The following COL28A1 variants were observed in gnomAD, a reference collection of about 807,000 sequenced individuals.
COL28A1 encodes collagen alpha-1(XXVIII) chain.
COL28A1 carries 161 observed loss-of-function variants against 150.2 expected under a neutral mutation model. The observed-to-expected ratio is 1.07, with a 90% CI of 0.94 to 1.22. The LOEUF is 1.22. Among genes scored for constraint, COL28A1 ranks in the 50% most tolerant of loss-of-function variants. COL28A1 has a pLI of 0.00. For synonymous variants in COL28A1, 552 were observed against 469.7 expected, an observed-to-expected ratio of 1.18 and a Z score of -2.26; for missense variants, 1,617 against 1,388.3, an observed-to-expected ratio of 1.16 and a Z score of -2.62.
intron 27 of COL28A1, among the ~76,000 whole-genome samples, chr7:7,387,528 G>C (rs1200008755): frequency 6.6e-6 from 1 of 151,972 alleles, no homozygotes; most frequent in Non-Finnish European, 1.5e-5. Context: ...TGATGTATTA[G>C]GAGTAAATGG....
At chr7:7,484,104 C>T (rs185313816) in intron 13 of COL28A1, among the ~76,000 whole-genome samples, 140 of 151,614 alleles carry the variant, frequency 9.2e-4, no homozygotes, top group African/African-American at 3.1e-3. Context: ...ATTCATGAAA[C>T]GGTAAATCTG....
chr7:7,539,482 C>T (rs1173301939), upstream of COL28A1, among the ~76,000 whole-genome samples: 1 of 152,158 alleles, frequency 6.6e-6, no homozygotes, highest in Non-Finnish European at 1.5e-5. Flanking sequence ...CGTTTCCCAT[C>T]AGGCCCCACT....
At chr7:7,489,710 A>C (rs780494381) in intron 12 of COL28A1, among the ~76,000 whole-genome samples, 3 of 152,186 alleles carry the variant, frequency 2.0e-5, no homozygotes, top group Non-Finnish European at 4.4e-5. Context: ...TTGTGTAAGA[A>C]TTGGCAGGAC....
At chr7:7,486,462 A>G (rs914766345) in intron 13 of COL28A1, among the ~76,000 whole-genome samples, 1 of 152,142 alleles carries the variant, frequency 6.6e-6, no homozygotes, top group Non-Finnish European at 1.5e-5. Context: ...GCTGGCTGGA[A>G]CTTCCAATAT....
intron 13 of COL28A1, among the ~76,000 whole-genome samples, chr7:7,482,708 A>G (rs1288388150): frequency 6.6e-6 from 1 of 152,164 alleles, no homozygotes; most frequent in Non-Finnish European, 1.5e-5. Flanking sequence ...TTCTGGTAAT[A>G]TTGTTAAAAA....
intron 23 of COL28A1, among the ~76,000 whole-genome samples, chr7:7,434,590 C>T (rs190356848): frequency 7.0e-4 from 106 of 152,300 alleles, no homozygotes; most frequent in African/African-American, 2.2e-3. Context: ...TCTTGTTTAA[C>T]GTCTGACACC....
chr7:7,452,235 G>T lies in COL28A1; in HGVS notation c.1509+84C>A, dbSNP rs569905009. ...TGTAGAGTTAGATAACACACACAGA[G>T]TCTGTAAGGCAATTGGATATAAAGG... On this transcript the variant is annotated intron_variant, in intron 18 of 34. Transcript: ENST00000399429. 5.9e-4 allele frequency: 911 copies of T among 1,551,468 alleles called. 13 individuals are homozygous for T. The East Asian group carries it at 0.016, about 27-fold the overall frequency.
intron 23 of COL28A1, among the ~76,000 whole-genome samples, chr7:7,433,503 G>A (rs554199719): frequency 2.0e-5 from 3 of 151,758 alleles, no homozygotes; most frequent in South Asian, 2.1e-4. Flanking sequence ...GCATGGTGGC[G>A]GGTGCCTGTA....
intron 1 of COL28A1, among the ~76,000 whole-genome samples, 184 bp downstream of exon 1, chr7:7,535,566 A>G (rs1456673882): frequency 6.6e-6 from 1 of 152,202 alleles, no homozygotes; most frequent in Non-Finnish European, 1.5e-5. Context: ...TTTAAGTTTT[A>G]AATTTCTACA....
chr7:7,415,969 A>C (rs974741570), intron 27 of COL28A1, among the ~76,000 whole-genome samples: 2 of 151,952 alleles, frequency 1.3e-5, no homozygotes, highest in Admixed American at 1.3e-4. Flanking sequence ...CACCAAGCTA[A>C]GTTTTGTATT....
intron 3 of COL28A1, among the ~76,000 whole-genome samples, chr7:7,529,122 C>G (rs1782196486): frequency 2.0e-5 from 3 of 151,682 alleles, no homozygotes; most frequent in Admixed American, 6.6e-5. Flanking sequence ...GCCATCTCTA[C>G]TCAAAAATAC....
intron 13 of COL28A1, among the ~76,000 whole-genome samples, chr7:7,485,112 C>T (rs1779551873): frequency 6.6e-6 from 1 of 151,948 alleles, no homozygotes; most frequent in South Asian, 2.1e-4. Flanking sequence ...TGCAAATGTA[C>T]CCCTGAACCT....
At position 7,489,403 on chromosome 7, in the gene COL28A1, C is replaced by T. The variant is rs1285029240; in HGVS notation, c.1150G>A (p.Glu384Lys). ...PGAPGPIGVG[E>K]PGQPGPRGPE... is the part of the protein sequence containing the mutation. ...TTGCTACTTACTGGCTGTCCAGGCT[C>T]ACCAACTCCAATGGGTCCTGGAGCT... Residue 384 changes from glutamate to lysine, a missense_variant, in exon 13 of 35, where the codon GAG becomes AAG. Glu to Lys is a moderately conservative substitution (Grantham distance 56). Coordinates refer to ENST00000399429, the MANE Select transcript of COL28A1 (RefSeq NM_001037763.3). 7.1e-7 allele frequency: 1 copy of T among 1,417,694 alleles called. No individual in the cohort carries two copies. The highest frequency in any genetic ancestry group is 1.7e-5 in the Admixed American group (1 of 59,802). 87.8% of individuals were successfully genotyped at this position (1,417,694 alleles called of 1,614,324 possible). A position where few individuals can be genotyped will look rare whatever the true frequency, so the allele number is the denominator to read the frequency against.
At position 7,532,920 on chromosome 7, in the gene COL28A1, A is replaced by G; in HGVS notation, c.-37-8T>C. The G allele has an allele frequency of 6.6e-7, 1 of 1,518,794 alleles. No homozygotes were observed. The highest frequency in any genetic ancestry group is 8.8e-7 in the Non-Finnish European group (1 of 1,136,914). The allele number at this position is 1,518,794 out of a possible 1,614,324, so 94.1% of individuals were successfully genotyped here. ...TCATCTGTCTTGTAGCACCTTTAAT[A>G]GAAAAGTCAGTTACAAATACTTTAA... On this transcript the variant is annotated splice_region_variant and splice_polypyrimidine_tract_variant and intron_variant, in intron 1 of 34. Transcript: ENST00000399429.
chr7:7,355,020 G>A (rs1382152100), downstream of COL28A1, among the ~76,000 whole-genome samples: 2 of 152,144 alleles, frequency 1.3e-5, no homozygotes, highest in Non-Finnish European at 1.5e-5. Context: ...GACAGGCTGA[G>A]CGGAATAAAG....
Position 7,444,429 on chromosome 7 carries a change from C to T in COL28A1, c.1570G>A (p.Ala524Thr). Residue 524 changes from alanine to threonine, a missense_variant, in exon 19 of 35, where the codon GCA becomes ACA. By Grantham distance (58) the Ala-to-Thr change is moderately conservative. Transcript: ENST00000399429. The part of the protein sequence containing the change: ...QPGVPGEDGA[A>T]GKKGEAGLPG... ...AAACTTGGTGTTACCTTCTTCCCTGCAGCTCCATCTTCTCCTGGTACTCCT... is the reference window on the plus strand; with the variant it reads ...AAACTTGGTGTTACCTTCTTCCCTGTAGCTCCATCTTCTCCTGGTACTCCT... 1.2e-6 allele frequency: 2 copies of T among 1,614,024 alleles called. No homozygotes were observed. Among genetic ancestry groups the T allele is most frequent in the Non-Finnish European group, 8.5e-7 (1 of 1,179,966 alleles).
At chr7:7,437,733 A>G (rs1785446086) in intron 21 of COL28A1, among the ~76,000 whole-genome samples, 1 of 152,226 alleles carries the variant, frequency 6.6e-6, no homozygotes, top group Non-Finnish European at 1.5e-5. Context: ...ATTAGCTAAT[A>G]AAAATTATGC....
In COL28A1 at chr7:7,489,440, T is replaced by A; in HGVS notation, c.1113A>T (p.Glu371Asp). ...QQGIKGERGQ[E>D]GRPGAPGPIG... The stretch of plus-strand genomic sequence containing the variant: ...TGGGTCCTGGAGCTCCCGGTCTTCC[T>A]TCTTGGCCTCTTTCTCCCTAAGAGA... The change falls in exon 13 of 35, where the codon GAA becomes GAT. Residue 371 changes from glutamate (E) to aspartate (D), a missense_variant. Coordinates refer to ENST00000399429, the MANE Select transcript of COL28A1 (RefSeq NM_001037763.3). 1 of 1,427,372 alleles carries A rather than the reference T, an allele frequency of 7.0e-7. No homozygotes were observed. Among genetic ancestry groups the A allele is most frequent in the Non-Finnish European group, 9.9e-7 (1 of 1,009,274 alleles). 88.4% of individuals were successfully genotyped at this position (1,427,372 alleles called of 1,614,324 possible).
chr7:7,525,422 C>A (rs28565038), intron 3 of COL28A1, among the ~76,000 whole-genome samples: 1 of 152,152 alleles, frequency 6.6e-6, no homozygotes, highest in African/African-American at 2.4e-5. Context: ...TGTTGGAAGA[C>A]AAACGCTGGA....
Sources: gnomAD v4.1 joint callset for allele counts (sites outside exome capture counted in the v4.1 genomes callset) on GRCh38, gnomAD v4.1.1 for gene constraint, MANE v1.5 for transcripts, NCBI Gene and HGNC (gene_info 2026-07-23, HGNC 2026-07-21) for gene names.